Variants in THSD7B observed in about 807,000 individuals in gnomAD.
The protein encoded by THSD7B is thrombospondin type 1 domain containing 7B.
In THSD7B, 138 loss-of-function variants were observed where a neutral mutation model predicts 213.6. That is an observed-to-expected ratio of 0.65 (90% CI 0.56 to 0.74). THSD7B has a LOEUF of 0.74. THSD7B is among the 30% of genes least tolerant of loss of function. THSD7B has a pLI of 0.00. For missense variants in THSD7B, 1,931 were observed against 1,991.5 expected (o/e 0.97, Z 0.58); for synonymous variants, 742 against 687.0 (o/e 1.08, Z -1.25).
At chr2:136,962,814 CT>C in intron 2 of THSD7B, among the ~76,000 whole-genome samples, 1 of 152,212 alleles carries the variant, frequency 6.6e-6, no homozygotes, top group East Asian at 1.9e-4. Context: ...TGATCTATTA[CT>C]TTTCTTATAG....
intron 1 of THSD7B, among the ~76,000 whole-genome samples, chr2:136,827,354 G>T (rs558291497): frequency 5.0e-4 from 76 of 152,314 alleles, no homozygotes; most frequent in African/African-American, 1.8e-3. Flanking sequence ...GTCCTGAGCT[G>T]TTAGGATATA....
At chr2:137,602,193 A>G (rs972937099) in intron 17 of THSD7B, among the ~76,000 whole-genome samples, 16 of 152,180 alleles carry the variant, frequency 1.1e-4, no homozygotes, top group African/African-American at 3.9e-4. Flanking sequence ...TTGTGGTGTT[A>G]TAGCAGAATA....
chr2:137,130,079 A>C (rs1315099193), intron 5 of THSD7B, among the ~76,000 whole-genome samples: 4 of 152,154 alleles, frequency 2.6e-5, no homozygotes, highest in Non-Finnish European at 5.9e-5. Context: ...AAGGAGCTAC[A>C]TTGAGAGGGG....
At chr2:137,589,885 G>A (rs1306822646) in intron 17 of THSD7B, among the ~76,000 whole-genome samples, 2 of 152,148 alleles carry the variant, frequency 1.3e-5, no homozygotes, top group African/African-American at 2.4e-5. Context: ...ATGACTGTTA[G>A]ATTGAGATCA....
intron 5 of THSD7B, among the ~76,000 whole-genome samples, chr2:137,126,809 T>A (rs1688636794): frequency 6.6e-6 from 1 of 152,202 alleles, no homozygotes; most frequent in Non-Finnish European, 1.5e-5. Context: ...GATATATGAC[T>A]CTTCCTTTCA....
At chr2:137,208,948 C>T (rs1303827283) in intron 7 of THSD7B, among the ~76,000 whole-genome samples, 13 of 152,190 alleles carry the variant, frequency 8.5e-5, no homozygotes, top group Non-Finnish European at 1.5e-5. Context: ...TATTGTATAA[C>T]TATGCCTGCA....
intron 7 of THSD7B, among the ~76,000 whole-genome samples, chr2:137,193,158 A>C (rs1680694099): frequency 6.6e-6 from 1 of 152,074 alleles, no homozygotes; most frequent in South Asian, 2.1e-4. Context: ...CAGTAACCTG[A>C]TGAGTCACCC....
At chr2:136,770,861 G>T (rs528782625) in intron 1 of THSD7B, among the ~76,000 whole-genome samples, 2 of 151,898 alleles carry the variant, frequency 1.3e-5, no homozygotes, top group Non-Finnish European at 2.9e-5. Flanking sequence ...GAGCCCAAAG[G>T]TATCAAAACC....
intron 12 of THSD7B, among the ~76,000 whole-genome samples, chr2:137,313,434 A>G (rs1683976052): frequency 8.0e-6 from 1 of 125,412 alleles, no homozygotes; most frequent in Admixed American, 7.5e-5. Context: ...TGAATACAGC[A>G]CACTGATGGT....
At position 137,677,423 on chromosome 2, in the gene THSD7B, T is replaced by C. The variant is rs1055550863; in HGVS notation, c.*818T>C. 1.3e-5 allele frequency: 2 copies of C among 152,404 alleles called. No homozygotes were observed. The highest frequency in any genetic ancestry group is 2.4e-5 in the African/African-American group (1 of 41,464). The allele number at this position is 152,404 out of a possible 1,614,324, so 9.4% of individuals were successfully genotyped here. A position where few individuals can be genotyped will look rare whatever the true frequency, so the allele number is the denominator to read the frequency against. On this transcript the variant is annotated 3_prime_UTR_variant, in exon 28 of 28. Coordinates refer to ENST00000409968, the MANE Select transcript of THSD7B (RefSeq NM_001316349.2). ...TAGCATTAACCACACACAGTTGTAA[T>C]TCAGTTTAATGATGACAAACTCTGC...
intron 12 of THSD7B, among the ~76,000 whole-genome samples, chr2:137,300,401 A>T (rs1683571648): frequency 6.6e-6 from 1 of 152,032 alleles, no homozygotes; most frequent in Non-Finnish European, 1.5e-5. Context: ...TTGAATGATA[A>T]TTGTATGATG....
intron 2 of THSD7B, among the ~76,000 whole-genome samples, chr2:137,013,038 CT>C (rs376443613): frequency 6.6e-6 from 1 of 151,940 alleles, no homozygotes; most frequent in Non-Finnish European, 1.5e-5. Context: ...TGTTTATTTA[CT>C]TTTTTTTCAG....
At chr2:137,225,878 G>T (rs905394338) in intron 7 of THSD7B, among the ~76,000 whole-genome samples, 1 of 151,708 alleles carries the variant, frequency 6.6e-6, no homozygotes. Context: ...TTAGGATGTT[G>T]TTCATAGCTT....
chr2:136,781,805 C>T (rs1479770281), intron 1 of THSD7B, among the ~76,000 whole-genome samples: 2 of 152,150 alleles, frequency 1.3e-5, no homozygotes, highest in Non-Finnish European at 2.9e-5. Flanking sequence ...CCTCCTGTCT[C>T]CGTGGCCATG....
At chr2:137,564,827 G>A (rs1203696578) in intron 16 of THSD7B, among the ~76,000 whole-genome samples, 6 of 152,070 alleles carry the variant, frequency 3.9e-5, no homozygotes, top group Non-Finnish European at 7.4e-5. Context: ...TAATAACTAT[G>A]AAGCATTATT....
intron 15 of THSD7B, among the ~76,000 whole-genome samples, chr2:137,463,121 T>G (rs952665565): frequency 6.6e-6 from 1 of 152,104 alleles, no homozygotes; most frequent in African/African-American, 2.4e-5. Flanking sequence ...GTTCATCACA[T>G]TCCTTCTACA....
intron 7 of THSD7B, among the ~76,000 whole-genome samples, chr2:137,173,436 T>G (rs1027568338): frequency 1.3e-5 from 2 of 152,208 alleles, no homozygotes; most frequent in South Asian, 4.1e-4. Context: ...GGCTAGGAAC[T>G]TCTTTCATAA....
chr2:137,617,955 T>C (rs1223645957), intron 18 of THSD7B, among the ~76,000 whole-genome samples: 4 of 152,122 alleles, frequency 2.6e-5, no homozygotes, highest in African/African-American at 9.7e-5. Context: ...TACCATCACC[T>C]AGAGGGTTAG....
At chr2:137,372,965 G>A (rs1240802793) in intron 12 of THSD7B, among the ~76,000 whole-genome samples, 1 of 149,464 alleles carries the variant, frequency 6.7e-6, no homozygotes, top group Admixed American at 6.8e-5. Context: ...TTTTGTTCTT[G>A]CGATAGTTTA....
Sources: gnomAD v4.1 joint callset for allele counts (sites outside exome capture counted in the v4.1 genomes callset) on GRCh38, gnomAD v4.1.1 for gene constraint, MANE v1.5 for transcripts, NCBI Gene and HGNC (gene_info 2026-07-23, HGNC 2026-07-21) for gene names.